The following NTM variants were observed in gnomAD, a reference collection of about 807,000 sequenced individuals.
NTM encodes the protein IgLON family member 2.
NTM carries 13 observed loss-of-function variants against 42.1 expected under a neutral mutation model. That is an observed-to-expected ratio of 0.31 (90% confidence interval 0.20 to 0.49). The LOEUF is 0.49. NTM is among the 20% of genes least tolerant of loss of function. NTM has a pLI of 0.99. For missense variants in NTM, 373 were observed against 452.8 expected, an observed-to-expected ratio of 0.82 and a Z score of 1.60; for synonymous variants, 187 against 179.2, an observed-to-expected ratio of 1.04 and a Z score of -0.35.
chr11:131,986,444 T>C (rs563707145), intron 2 of NTM, among the ~76,000 whole-genome samples: 1 of 152,342 alleles, frequency 6.6e-6, no homozygotes, highest in African/African-American at 2.4e-5. Flanking sequence ...CCATTCCTTT[T>C]CTATACTTGA....
intron 3 of NTM, among the ~76,000 whole-genome samples, chr11:132,193,961 T>A (rs1246482397): frequency 1.3e-5 from 2 of 152,046 alleles, no homozygotes; most frequent in Non-Finnish European, 2.9e-5. Flanking sequence ...TTCCAAAATT[T>A]AATCCATAAT....
intron 1 of NTM, among the ~76,000 whole-genome samples, chr11:131,884,224 A>C (rs1250464410): frequency 6.6e-6 from 1 of 151,984 alleles, no homozygotes; most frequent in Non-Finnish European, 1.5e-5. Context: ...ATCCTGACCA[A>C]CATGGAGAAA....
chr11:131,730,719 T>TAAAAAAAAAAAAAAAA (rs2079541594), intron 1 of NTM, among the ~76,000 whole-genome samples: 10 of 108,756 alleles, frequency 9.2e-5, no homozygotes, highest in East Asian at 8.8e-4. Flanking sequence ...CCCTATCTGT[T>TAAAAAAAAAAAAAAAA]AAAAGAAGAA....
At chr11:131,780,567 A>G (rs951769972) in intron 1 of NTM, among the ~76,000 whole-genome samples, 1 of 152,198 alleles carries the variant, frequency 6.6e-6, no homozygotes, top group Non-Finnish European at 1.5e-5. Context: ...TTATCAGAAG[A>G]CATGAGAGCG....
At chr11:131,636,506 T>C (rs2134178581) in intron 1 of NTM, among the ~76,000 whole-genome samples, 1 of 152,332 alleles carries the variant, frequency 6.6e-6, no homozygotes, top group Admixed American at 6.5e-5. Context: ...GTTCGGGAGC[T>C]GTGGACACGG....
chr11:131,466,641 C>T (rs539139173), intron 1 of NTM, among the ~76,000 whole-genome samples: 25 of 152,280 alleles, frequency 1.6e-4, no homozygotes, highest in African/African-American at 5.3e-4. Context: ...TATTAATTTG[C>T]GGCATCACTA....
intron 1 of NTM, among the ~76,000 whole-genome samples, chr11:131,567,991 T>G (rs567993437): frequency 5.4e-4 from 82 of 152,346 alleles, no homozygotes; most frequent in African/African-American, 1.9e-3. Flanking sequence ...TTATTATTAC[T>G]ACTAGAGCAT....
chr11:132,113,917 A>T (rs189632154), intron 2 of NTM, among the ~76,000 whole-genome samples: 167 of 152,280 alleles, frequency 1.1e-3, no homozygotes, highest in African/African-American at 3.8e-3. Flanking sequence ...TGGCTGCTCC[A>T]TGCTGATTCC....
In NTM at chr11:131,758,160, G is replaced by A. The variant is rs907613577; in HGVS notation, c.83-153404G>A. On this transcript the variant is annotated intron_variant, in intron 1 of 8. Transcript: ENST00000683400. ...TTTTAGTCAGTTTCACTCTATCCTC[G>A]TCGGTGGCCAGTAGTAAGCTTCATT... 5.3e-5 allele frequency among the ~76,000 whole-genome samples: 8 copies of A among 152,188 alleles called. No homozygotes were observed. In the East Asian group the frequency reaches 5.8e-4, roughly 11 times the overall value.
In NTM at chr11:132,024,714, C is replaced by T. The variant is rs185004123; in HGVS notation, c.167+113066C>T. On this transcript the variant is annotated intron_variant, in intron 2 of 8. Transcript: ENST00000683400. ...CAGTTACACTGGGATAGGTATATTC[C>T]GGACTTTCCCTGAAGTTGTCAACTT... is the stretch of plus-strand genomic sequence containing the variant. Among the ~76,000 whole-genome samples the T allele has an allele frequency of 7.2e-4, 110 of 152,262 alleles. 1 individual carries two copies. In the Middle Eastern group the frequency reaches 0.014, roughly 19 times the overall value.
At chr11:131,563,579 C>CTTTT (rs71911433) in intron 1 of NTM, among the ~76,000 whole-genome samples, 3,325 of 88,550 alleles carry the variant, frequency 0.038, 124 homozygotes, top group Middle Eastern at 0.055. Context: ...GCTCCAGACA[C>CTTTT]TTTTTTTTTT....
intron 1 of NTM, among the ~76,000 whole-genome samples, chr11:131,465,723 G>A (rs1951819402): frequency 6.6e-6 from 1 of 152,204 alleles, no homozygotes; most frequent in Admixed American, 6.5e-5. Context: ...TTGGGCCATT[G>A]TTAGCACAGA....
intron 1 of NTM, among the ~76,000 whole-genome samples, chr11:131,818,317 A>G (rs1162569129): frequency 6.6e-6 from 1 of 152,204 alleles, no homozygotes; most frequent in African/African-American, 2.4e-5. Context: ...CTTAAACAAA[A>G]CAGAGGACAG....
intron 1 of NTM, among the ~76,000 whole-genome samples, chr11:131,633,442 T>A (rs1437675997): frequency 2.0e-5 from 3 of 152,190 alleles, no homozygotes; most frequent in African/African-American, 7.2e-5. Context: ...TCTATAAAGT[T>A]TTGAAGGTTG....
rs546457782 is a variant in NTM at position 131,468,535 on chromosome 11, G to GT, written c.82+97654dup. Among the ~76,000 whole-genome samples the GT allele has an allele frequency of 6.2e-4, 94 of 152,052 alleles. 1 individual carries two copies. Among genetic ancestry groups the GT allele is most frequent in the African/African-American group, 2.2e-3 (91 of 41,482 alleles). Reference sequence around the variant, plus strand: ...GCCGATATGCAGAGTAATTGCTTTGGTTTTTTTGTGAGTTTTTTTTCTATA... The same window carrying GT: ...GCCGATATGCAGAGTAATTGCTTTGGTTTTTTTTGTGAGTTTTTTTTCTATA... On this transcript the variant is annotated intron_variant, in intron 1 of 8. Coordinates refer to ENST00000683400, the MANE Select transcript of NTM (RefSeq NM_001352005.2).
At chr11:131,532,412 T>C (rs2051422656) in intron 1 of NTM, among the ~76,000 whole-genome samples, 1 of 152,236 alleles carries the variant, frequency 6.6e-6, no homozygotes, top group Non-Finnish European at 1.5e-5. Context: ...CTCCTTTTTG[T>C]GGCTGAAAAC....
rs555159454 is a variant in NTM, at chr11:131,705,888, A to G, written c.83-205676A>G. Among the ~76,000 whole-genome samples the G allele has an allele frequency of 1.1e-3, 164 of 152,270 alleles. 2 individuals carry two copies. The highest frequency in any genetic ancestry group is 1.8e-3 in the Non-Finnish European group (125 of 67,950). On this transcript the variant is annotated intron_variant, in intron 1 of 8. Coordinates refer to ENST00000683400, the MANE Select transcript of NTM (RefSeq NM_001352005.2). ...ATTAAAGCATACTATTACTACAAAA[A>G]AATCAAATCACAGAGGAAGACAGAA...
chr11:131,681,233 C>T (rs1309210759), intron 1 of NTM, among the ~76,000 whole-genome samples: 16 of 55,770 alleles, frequency 2.9e-4, no homozygotes, highest in South Asian at 8.8e-4. Context: ...GTATGTCTCC[C>T]TGTGTATGTG....
At chr11:132,234,934 T>C (rs2088481120) in intron 4 of NTM, among the ~76,000 whole-genome samples, 1 of 152,262 alleles carries the variant, frequency 6.6e-6, no homozygotes, top group Non-Finnish European at 1.5e-5. Context: ...TCCAGTAAGA[T>C]ATGTTTAGCT....
Sources: gnomAD v4.1 joint callset for allele counts (sites outside exome capture counted in the v4.1 genomes callset) on GRCh38, gnomAD v4.1.1 for gene constraint, MANE v1.5 for transcripts, NCBI Gene and HGNC (gene_info 2026-07-23, HGNC 2026-07-21) for gene names.